Variants in MATN2 observed in about 807,000 individuals in gnomAD.
The protein encoded by MATN2 is matrilin-2.
In MATN2, 69 loss-of-function variants were observed where a neutral mutation model predicts 103.2. The ratio of observed to expected loss-of-function variants is 0.67; its 90% CI spans 0.55 to 0.82. The LOEUF is 0.82. MATN2 is among the 40% of genes least tolerant of loss of function. MATN2 has a pLI of 0.00. For synonymous variants in MATN2, 429 were observed against 450.2 expected (o/e 0.95, Z 0.60); for missense variants, 1,023 against 1,211.5 (o/e 0.84, Z 2.31).
At chr8:98,008,898 A>G (rs1170190190) in intron 10 of MATN2, among the ~76,000 whole-genome samples, 1 of 152,184 alleles carries the variant, frequency 6.6e-6, no homozygotes, top group Non-Finnish European at 1.5e-5. Flanking sequence ...AATTCTCATG[A>G]GCCCTTCTAA....
chr8:97,897,433 G>C (rs62521908), intron 2 of MATN2, among the ~76,000 whole-genome samples: 3 of 152,198 alleles, frequency 2.0e-5, no homozygotes, highest in Non-Finnish European at 2.9e-5. Flanking sequence ...GCCTTATAGG[G>C]AATTGGCAAA....
At chr8:97,920,157 T>C (rs1257904755) in intron 2 of MATN2, among the ~76,000 whole-genome samples, 1 of 152,196 alleles carries the variant, frequency 6.6e-6, no homozygotes, top group Non-Finnish European at 1.5e-5. Flanking sequence ...AAGAAATTGC[T>C]TTGATGGAAT....
chr8:97,873,702 A>G (rs1817973699), intron 1 of MATN2, among the ~76,000 whole-genome samples: 1 of 151,270 alleles, frequency 6.6e-6, no homozygotes, highest in Non-Finnish European at 1.5e-5. Context: ...GCTTCTTGAA[A>G]CTCAGTTCAG....
chr8:97,916,447 G>A (rs1325421730), intron 2 of MATN2, among the ~76,000 whole-genome samples: 1 of 152,100 alleles, frequency 6.6e-6, no homozygotes, highest in East Asian at 1.9e-4. Flanking sequence ...GTAAACTCAG[G>A]TGTCACAGGG....
At chr8:97,924,685 C>T (rs55936522) in intron 2 of MATN2, among the ~76,000 whole-genome samples, 1,223 of 83,774 alleles carry the variant, frequency 0.015, 19 homozygotes, top group African/African-American at 0.041. Flanking sequence ...TGCTGCTATC[C>T]AGGCAGGCAA....
chr8:97,879,090 A>G (rs1433575292), intron 1 of MATN2, among the ~76,000 whole-genome samples: 1 of 152,236 alleles, frequency 6.6e-6, no homozygotes, highest in Non-Finnish European at 1.5e-5. Context: ...CACAAGAAGC[A>G]AACAGAGGTG....
At position 98,007,286 on chromosome 8, in the gene MATN2, T is replaced by C; in HGVS notation, c.1450+59T>C. The C allele has an allele frequency of 6.2e-7, 1 of 1,608,888 alleles. No homozygotes were observed. The highest frequency in any genetic ancestry group is 8.5e-7 in the Non-Finnish European group (1 of 1,176,772). On this transcript the variant is annotated intron_variant, in intron 9 of 18. Transcript: ENST00000254898. The surrounding 1 kb of genome is among the most constrained non-coding windows in gnomAD (Gnocchi z 4.2). ...GTTTGCACCAGGAGTGAAACCTATG[T>C]GACTGCAGAGGGCACAGGTTGTACT... is the stretch of plus-strand genomic sequence containing the variant.
chr8:97,874,865 G>A (rs58904105), intron 1 of MATN2, among the ~76,000 whole-genome samples: 4,014 of 151,980 alleles, frequency 0.026, 63 homozygotes, highest in African/African-American at 0.039. Flanking sequence ...TTACAGGCGC[G>A]AGCCACCATG....
chr8:97,984,027 T>C (rs533483628), intron 6 of MATN2, among the ~76,000 whole-genome samples: 3 of 152,354 alleles, frequency 2.0e-5, no homozygotes, highest in East Asian at 3.9e-4. Flanking sequence ...ATAGTTAACA[T>C]ACTGAGTGCC....
At chr8:98,026,308 G>A (rs921665693) in intron 13 of MATN2, among the ~76,000 whole-genome samples, 1 of 145,874 alleles carries the variant, frequency 6.9e-6, no homozygotes, top group Non-Finnish European at 1.5e-5. Flanking sequence ...CACCCAGACT[G>A]AAGTGCAGCG....
chr8:97,872,794 C>T (rs1586361882), intron 1 of MATN2, among the ~76,000 whole-genome samples: 3 of 148,866 alleles, frequency 2.0e-5, no homozygotes, highest in South Asian at 4.2e-4. Context: ...TCTCCAAAGT[C>T]CCCCCGTTTT....
intron 4 of MATN2, chr8:97,952,017 T>C (rs1252268828): frequency 1.3e-5 from 2 of 152,198 alleles, no homozygotes; most frequent in African/African-American, 4.8e-5. Flanking sequence ...TCATTTACCA[T>C]TGGAAGACTT....
chr8:98,033,003 G>A (rs756544906), intron 16 of MATN2, 39 bp from the exon 17 acceptor site: 27 of 1,580,600 alleles, frequency 1.7e-5, no homozygotes, highest in Non-Finnish European at 2.0e-5. Context: ...AACCAAAAGC[G>A]TTAAGCAGGT....
rs187317405 is a variant in MATN2 at position 97,956,681 on chromosome 8, G to C, written c.836-4727G>C. 2.6e-5 allele frequency among the ~76,000 whole-genome samples: 4 copies of C among 152,266 alleles called. No individual in the cohort carries two copies. In the East Asian group the frequency reaches 7.7e-4, roughly 29 times the overall value. On this transcript the variant is annotated intron_variant, in intron 4 of 18. Transcript: ENST00000254898. ...GCCCCAGCCCTCAATTTGATCCTGT[G>C]TCCAAGCCCTGCCTCTGGAGTTAAG...
chr8:97,987,580 ATATC>A (rs1812236855), intron 6 of MATN2, among the ~76,000 whole-genome samples: 1 of 152,204 alleles, frequency 6.6e-6, no homozygotes, highest in South Asian at 2.1e-4. Context: ...CCAATTATAT[ATATC>A]TAATTTATAA....
rs942125135 is a variant in MATN2 at position 97,926,617 on chromosome 8, A to G, written c.143-4336A>G. On this transcript the variant is annotated intron_variant, in intron 2 of 18. Coordinates refer to ENST00000254898, the MANE Select transcript of MATN2 (RefSeq NM_002380.5). ...AATGAGTGACTTGGACTCTGTTGGG[A>G]CCCCTCTGCCTCTAAGATTCTACTA... Among the ~76,000 whole-genome samples, 13 of 152,084 alleles carry G rather than the reference A, an allele frequency of 8.5e-5. No individual in the cohort carries two copies. The South Asian group carries it at 2.3e-3, about 27-fold the overall frequency.
At chr8:97,943,403 GTCTCCTTCTCCTTCTCCT>G (rs57093769) in intron 4 of MATN2, among the ~76,000 whole-genome samples, 9 of 146,184 alleles carry the variant, frequency 6.2e-5, no homozygotes, top group Non-Finnish European at 1.1e-4. Flanking sequence ...CTCCTTCTCT[GTCTCCTTCTCCTTCTCCT>G]TCTCCTTCTC....
chr8:97,933,537 G>A (rs1257506896), intron 3 of MATN2, among the ~76,000 whole-genome samples: 1 of 63,412 alleles, frequency 1.6e-5, no homozygotes, highest in African/African-American at 6.8e-5. Flanking sequence ...CCCCACCCCC[G>A]CAATCCTGGT....
intron 10 of MATN2, among the ~76,000 whole-genome samples, chr8:98,012,086 C>T (rs1444922464): frequency 3.9e-5 from 6 of 152,224 alleles, no homozygotes; most frequent in Non-Finnish European, 8.8e-5. Context: ...ACCTATTTCA[C>T]TTAAGTGATG....
Sources: gnomAD v4.1 joint callset for allele counts (sites outside exome capture counted in the v4.1 genomes callset) on GRCh38, gnomAD v4.1.1 for gene constraint, Gnocchi (gnomAD v3.1) non-coding constraint, MANE v1.5 for transcripts, NCBI Gene and HGNC (gene_info 2026-07-23, HGNC 2026-07-21) for gene names.